Variants in BMP6 observed in about 807,000 individuals in gnomAD.
BMP6 encodes bone morphogenetic protein 6.
BMP6 carries 17 observed loss-of-function variants against 54.1 expected under a neutral mutation model. That is an observed-to-expected ratio of 0.31 (90% CI 0.22 to 0.47). BMP6 has a LOEUF of 0.47. Ranked by LOEUF, BMP6 falls within the 20% of genes least tolerant of loss-of-function variation. The probability of loss-of-function intolerance (pLI) is 1.00; values close to 1 mark genes in which losing one functional copy is unlikely to be tolerated. For synonymous variants in BMP6, 328 were observed against 291.2 expected, an observed-to-expected ratio of 1.13 and a Z score of -1.28; for missense variants, 720 against 690.4, an observed-to-expected ratio of 1.04 and a Z score of -0.48.
At chr6:7,813,108 A>AAAAAT (rs1554122651) in intron 1 of BMP6, among the ~76,000 whole-genome samples, 1 of 21,494 alleles carries the variant, frequency 4.7e-5, no homozygotes, top group African/African-American at 2.0e-4. Flanking sequence ...AAAAAAAAAA[A>AAAAAT]ATATATATAT....
At chr6:7,855,934 C>A (rs1322433267) in intron 2 of BMP6, among the ~76,000 whole-genome samples, 1 of 151,922 alleles carries the variant, frequency 6.6e-6, no homozygotes, top group African/African-American at 2.4e-5. Context: ...TGTGAGAGTA[C>A]CTAGAACAGT....
chr6:7,762,142 G>A (rs1451723811), intron 1 of BMP6, among the ~76,000 whole-genome samples: 3 of 152,064 alleles, frequency 2.0e-5, no homozygotes, highest in African/African-American at 4.8e-5. Flanking sequence ...GGCTGGTCTC[G>A]AACTCCTGAC....
At chr6:7,758,972 A>G (rs1757566930) in intron 1 of BMP6, among the ~76,000 whole-genome samples, 1 of 152,244 alleles carries the variant, frequency 6.6e-6, no homozygotes, top group Non-Finnish European at 1.5e-5. Flanking sequence ...GCTGCCCACT[A>G]GACCAAGAGC....
chr6:7,803,742 A>T (rs753073169), intron 1 of BMP6, among the ~76,000 whole-genome samples: 17 of 149,610 alleles, frequency 1.1e-4, no homozygotes, highest in Non-Finnish European at 2.2e-4. Flanking sequence ...AAGATGCACC[A>T]TTTTTTTTTC....
chr6:7,810,079 T>G (rs1191345950), intron 1 of BMP6, among the ~76,000 whole-genome samples: 1 of 152,228 alleles, frequency 6.6e-6, no homozygotes, highest in East Asian at 1.9e-4. Context: ...ATTCCTAAAG[T>G]TGGATCTTAT....
At chr6:7,789,631 A>G (rs897621510) in intron 1 of BMP6, among the ~76,000 whole-genome samples, 22 of 152,068 alleles carry the variant, frequency 1.4e-4, no homozygotes, top group Non-Finnish European at 3.1e-4. Context: ...AGTCTCATGG[A>G]GAGGGGGTCA....
intron 2 of BMP6, among the ~76,000 whole-genome samples, chr6:7,861,098 TAA>T (rs906760484): frequency 1.3e-5 from 2 of 150,072 alleles, no homozygotes; most frequent in Non-Finnish European, 3.0e-5. Flanking sequence ...AAAAAAAAAA[TAA>T]AAAAGTTTTT....
At chr6:7,862,650 G>T in intron 4 of BMP6, 152 bp downstream of exon 4, 1 of 1,062,880 alleles carries the variant, frequency 9.4e-7, no homozygotes, top group Non-Finnish European at 1.4e-6. Context: ...TTGTACAGTC[G>T]CAGAACATCT....
At chr6:7,733,633 G>A (rs1314234836) in intron 1 of BMP6, among the ~76,000 whole-genome samples, 1 of 152,210 alleles carries the variant, frequency 6.6e-6, no homozygotes, top group Non-Finnish European at 1.5e-5. Flanking sequence ...TTCCCCGCAA[G>A]GAACCAGTGC....
chr6:7,846,954 C>T (rs1205821907), intron 2 of BMP6, among the ~76,000 whole-genome samples: 1 of 152,126 alleles, frequency 6.6e-6, no homozygotes, highest in African/African-American at 2.4e-5. Context: ...CTCCGTCCTG[C>T]AGGAAAACCT....
rs76648821 is a variant in BMP6, at chr6:7,793,447, G to A, written c.665-51693G>A. 1.8e-3 allele frequency among the ~76,000 whole-genome samples: 271 copies of A among 152,320 alleles called. 10 individuals are homozygous for A. In the East Asian group the frequency reaches 0.048, roughly 27 times the overall value. ...ACTGTATGATACTACAATGGTAGAT[G>A]CATGTCATTATACGGTTGCCCAAAC... On this transcript the variant is annotated intron_variant, in intron 1 of 6. Coordinates refer to ENST00000283147, the MANE Select transcript of BMP6 (RefSeq NM_001718.6).
At chr6:7,727,646 G>A (rs1230135824) in intron 1 of BMP6, 27 bp downstream of exon 1, 3 of 1,500,980 alleles carry the variant, frequency 2.0e-6, no homozygotes, top group East Asian at 2.4e-5. Context: ...ACGTAATGAC[G>A]AGAACATTTC....
intron 1 of BMP6, among the ~76,000 whole-genome samples, chr6:7,743,005 G>A (rs1666481401): frequency 6.6e-6 from 1 of 152,124 alleles, no homozygotes; most frequent in Non-Finnish European, 1.5e-5. Context: ...GTCTTAGGAT[G>A]GAGCAAAGGG....
chr6:7,762,708 C>T (rs906931821), intron 1 of BMP6, among the ~76,000 whole-genome samples: 2 of 152,198 alleles, frequency 1.3e-5, no homozygotes, highest in African/African-American at 2.4e-5. Flanking sequence ...AAAGATGCAA[C>T]TCAATGTGCA....
At chr6:7,868,849 C>T (rs115343020) in intron 4 of BMP6, among the ~76,000 whole-genome samples, 2,307 of 152,236 alleles carry the variant, frequency 0.015, 54 homozygotes, top group African/African-American at 0.053. Flanking sequence ...GGTGAGGAGA[C>T]GACTCCCTGC....
At chr6:7,727,745 G>C (rs1297332469) in intron 1 of BMP6, 126 bp downstream of exon 1, 4 of 1,171,646 alleles carry the variant, frequency 3.4e-6, no homozygotes, top group Admixed American at 4.1e-5. Flanking sequence ...GCCAGAGAAC[G>C]CGGGGACAGG....
intron 1 of BMP6, among the ~76,000 whole-genome samples, chr6:7,744,357 T>C (rs1283361147): frequency 6.6e-6 from 1 of 152,040 alleles, no homozygotes; most frequent in Non-Finnish European, 1.5e-5. Context: ...GTGCCTGTAG[T>C]CCCAGCTACT....
At chr6:7,765,777 C>A (rs544402828) in intron 1 of BMP6, among the ~76,000 whole-genome samples, 1 of 152,258 alleles carries the variant, frequency 6.6e-6, no homozygotes, top group Non-Finnish European at 1.5e-5. Flanking sequence ...GATCAAGGTG[C>A]CGGCAGGGCC....
chr6:7,878,043 C>T (rs59165591), intron 4 of BMP6, among the ~76,000 whole-genome samples: 3,133 of 152,210 alleles, frequency 0.021, 107 homozygotes, highest in African/African-American at 0.069. Context: ...TCTCATCCGA[C>T]CCTGCTTGAC....
Sources: gnomAD v4.1 joint callset for allele counts (sites outside exome capture counted in the v4.1 genomes callset) on GRCh38, gnomAD v4.1.1 for gene constraint, MANE v1.5 for transcripts, NCBI Gene and HGNC (gene_info 2026-07-23, HGNC 2026-07-21) for gene names.